The following PDSS2 variants were observed in gnomAD, a reference collection of about 807,000 sequenced individuals.
PDSS2 encodes the protein decaprenyl diphosphate synthase subunit 2.
In PDSS2, 31 loss-of-function variants were observed where a neutral mutation model predicts 44.5. That is an observed-to-expected ratio of 0.70 (90% CI 0.52 to 0.94). The LOEUF (loss-of-function observed/expected upper bound fraction) is 0.94. Among genes scored for constraint, PDSS2 ranks in the 40% least tolerant of loss-of-function variants. PDSS2 has a pLI of 0.00. For synonymous variants in PDSS2, 157 were observed against 180.3 expected (o/e 0.87, Z 1.03); for missense variants, 452 against 482.2 (o/e 0.94, Z 0.59).
intron 2 of PDSS2, among the ~76,000 whole-genome samples, chr6:107,291,555 G>GGA (rs1410382183): frequency 6.7e-6 from 1 of 149,806 alleles, no homozygotes; most frequent in Non-Finnish European, 1.5e-5. Context: ...TAGAGACGGG[G>GGA]GGGTCTCACT....
chr6:107,315,050 C>T (rs1406185912), intron 2 of PDSS2, among the ~76,000 whole-genome samples: 4 of 152,104 alleles, frequency 2.6e-5, no homozygotes, highest in Admixed American at 2.6e-4. Flanking sequence ...TTTACATTAA[C>T]TTATTTTTAA....
chr6:107,249,583 C>T (rs1774744846), intron 3 of PDSS2, among the ~76,000 whole-genome samples: 1 of 152,082 alleles, frequency 6.6e-6, no homozygotes, highest in Admixed American at 6.6e-5. Flanking sequence ...CTTACCTACA[C>T]ATGCAAATAA....
At chr6:107,268,236 A>G (rs1251205149) in intron 3 of PDSS2, among the ~76,000 whole-genome samples, 1 of 152,210 alleles carries the variant, frequency 6.6e-6, no homozygotes, top group Non-Finnish European at 1.5e-5. Context: ...AAAATCTCAT[A>G]TAACTTATGA....
intron 2 of PDSS2, among the ~76,000 whole-genome samples, chr6:107,293,011 C>T (rs1176810290): frequency 1.3e-5 from 2 of 152,200 alleles, no homozygotes; most frequent in Admixed American, 6.5e-5. Flanking sequence ...AGGGAATACC[C>T]GTATCAATTC....
intron 1 of PDSS2, among the ~76,000 whole-genome samples, chr6:107,380,561 C>G (rs1445834906): frequency 6.6e-6 from 1 of 152,110 alleles, no homozygotes; most frequent in Admixed American, 6.5e-5. Context: ...TGGTAGTATC[C>G]AGCCTGGGAG....
chr6:107,434,123 T>G (rs986593592), intron 1 of PDSS2, among the ~76,000 whole-genome samples: 7 of 152,162 alleles, frequency 4.6e-5, no homozygotes, highest in African/African-American at 1.2e-4. Context: ...AGTGAGGGTA[T>G]AGTGAAAAGA....
At chr6:107,439,797 A>C (rs1583087976) in intron 1 of PDSS2, among the ~76,000 whole-genome samples, 1 of 152,012 alleles carries the variant, frequency 6.6e-6, no homozygotes, top group African/African-American at 2.4e-5. Flanking sequence ...ACTGGGGAGG[A>C]GCATATTTGG....
rs559229549 is a variant in PDSS2 at position 107,399,776 on chromosome 6, T to G, written c.296+59214A>C. Among the ~76,000 whole-genome samples, 29 of 152,270 alleles carry G rather than the reference T, an allele frequency of 1.9e-4. No individual in the cohort carries two copies. The South Asian group carries it at 5.8e-3, about 30-fold the overall frequency. On this transcript the variant is annotated intron_variant, in intron 1 of 7. Coordinates refer to ENST00000369037, the MANE Select transcript of PDSS2 (RefSeq NM_020381.4). ...AAAACATTAACAATACTATAATGAT[T>G]CCCAAAGTTAGCTGCTCTGAAAATT...
At chr6:107,453,386 G>A (rs983062612) in intron 1 of PDSS2, among the ~76,000 whole-genome samples, 1 of 151,872 alleles carries the variant, frequency 6.6e-6, no homozygotes, top group African/African-American at 2.4e-5. Flanking sequence ...AAAAAATACT[G>A]TGTGAGGTTT....
chr6:107,381,411 AT>A (rs1779451547), intron 1 of PDSS2, among the ~76,000 whole-genome samples: 1 of 152,202 alleles, frequency 6.6e-6, no homozygotes, highest in South Asian at 2.1e-4. Context: ...CCTCTTGGTC[AT>A]TTTGGAAATG....
chr6:107,184,095 A>C (rs928891630), intron 7 of PDSS2, among the ~76,000 whole-genome samples: 1 of 152,184 alleles, frequency 6.6e-6, no homozygotes, highest in Admixed American at 6.5e-5. Context: ...GTTGTATGGC[A>C]TATTTTACCA....
intron 3 of PDSS2, among the ~76,000 whole-genome samples, chr6:107,261,456 A>G (rs893662237): frequency 1.3e-5 from 2 of 152,068 alleles, no homozygotes; most frequent in Admixed American, 6.5e-5. Flanking sequence ...TAAGCTTCCT[A>G]AGGCCTTCCT....
Position 107,363,780 on chromosome 6 carries a change from G to C in PDSS2, c.297-29448C>G, listed in dbSNP as rs139689713. Among the ~76,000 whole-genome samples the C allele has an allele frequency of 1.5e-4, 23 of 152,276 alleles. No individual in the cohort carries two copies. The South Asian group carries it at 4.8e-3, about 32-fold the overall frequency. On this transcript the variant is annotated intron_variant, in intron 1 of 7. Transcript: ENST00000369037. ...GTTTTGTCAGGGCGCTGATTGGTGC[G>C]TTTACAATCCCTGAGCTAGATACAA...
At chr6:107,328,756 T>A (rs1433934605) in intron 2 of PDSS2, among the ~76,000 whole-genome samples, 1 of 152,178 alleles carries the variant, frequency 6.6e-6, no homozygotes, top group Non-Finnish European at 1.5e-5. Flanking sequence ...GATACATAAA[T>A]CCGTACCTAA....
chr6:107,434,691 G>A (rs1442752199), intron 1 of PDSS2, among the ~76,000 whole-genome samples: 2 of 152,044 alleles, frequency 1.3e-5, no homozygotes, highest in Non-Finnish European at 2.9e-5. Context: ...TAGCACAACA[G>A]TGTGACTACA....
At chr6:107,209,975 T>TCCCCC in intron 6 of PDSS2, among the ~76,000 whole-genome samples, 27 of 151,852 alleles carry the variant, frequency 1.8e-4, no homozygotes, top group African/African-American at 5.8e-4. Context: ...CATGCTTTTT[T>TCCCCC]CCCCCCCGCT....
chr6:107,190,010 G>A (rs1224328293), intron 7 of PDSS2, among the ~76,000 whole-genome samples: 4 of 151,980 alleles, frequency 2.6e-5, no homozygotes, highest in African/African-American at 7.2e-5. Context: ...TTTGAGCCCA[G>A]GAGTGGGAGG....
chr6:107,234,074 T>C (rs924424552), intron 4 of PDSS2, among the ~76,000 whole-genome samples: 4 of 152,224 alleles, frequency 2.6e-5, no homozygotes, highest in Non-Finnish European at 4.4e-5. Flanking sequence ...GAACATAATA[T>C]ATTTTCTCTT....
rs184979839 is a variant in PDSS2, at chr6:107,255,506, C to T, written c.631-9887G>A. ...CACGCCAGGTCCTATGGCTTGAACC[C>T]GGGAATCGCTTGAACCCAGGAGGCG... On this transcript the variant is annotated intron_variant, in intron 3 of 7. Transcript: ENST00000369037. Among the ~76,000 whole-genome samples the T allele has an allele frequency of 3.9e-3, 582 of 150,564 alleles. 3 individuals carry two copies. Among genetic ancestry groups the T allele is most frequent in the Non-Finnish European group, 6.5e-3 (440 of 67,728 alleles).
Sources: allele counts gnomAD v4.1 joint callset (sites outside exome capture counted in the v4.1 genomes callset), GRCh38; gene constraint gnomAD v4.1.1; transcripts MANE v1.5; gene names NCBI Gene and HGNC (gene_info 2026-07-23, HGNC 2026-07-21).